Variants in PRSS21 observed in about 807,000 individuals in gnomAD.
The protein encoded by PRSS21 is serine protease 21.
In PRSS21, 40 loss-of-function variants were observed where a neutral mutation model predicts 31.1. The observed-to-expected ratio is 1.29, with a 90% confidence interval of 1.00 to 1.68. The LOEUF is 1.68. PRSS21 is among the 40% of genes most tolerant of loss of function. PRSS21 has a pLI of 0.00. For synonymous variants in PRSS21, 186 were observed against 167.7 expected (o/e 1.11, Z -0.84); for missense variants, 467 against 412.6 (o/e 1.13, Z -1.14).
At chr16:2,819,059 G>T in intron 4 of PRSS21, 90 bp downstream of exon 4, 4 of 1,455,332 alleles carry the variant, frequency 2.7e-6, no homozygotes, top group East Asian at 2.3e-5. Context: ...TTGGTCTGGG[G>T]GTGCAGGCTA....
At position 2,821,221 on chromosome 16, in the gene PRSS21, T is replaced by A. The variant is rs971171161; in HGVS notation, c.705+112T>A. 1.9e-6 allele frequency: 3 copies of A among 1,539,584 alleles called. No homozygotes were observed. The African/African-American group carries it at 4.1e-5, about 21-fold the overall frequency. On this transcript the variant is annotated intron_variant, in intron 5 of 5. Transcript: ENST00000005995. ...GGAGACTGTTGCCCCACTCTGCAGA[T>A]GCAGAAACGGAGGCTTGGCTGCTGC...
intron 4 of PRSS21, among the ~76,000 whole-genome samples, chr16:2,819,641 G>C (rs978968742): frequency 5.3e-5 from 8 of 152,200 alleles, no homozygotes; most frequent in African/African-American, 1.9e-4. Context: ...AATAACAAAC[G>C]TGGTTCCTTG....
At chr16:2,818,060 T>A (rs1056157464) in intron 3 of PRSS21, 94 bp downstream of exon 3, 1 of 1,429,148 alleles carries the variant, frequency 7.0e-7, no homozygotes, top group Non-Finnish European at 9.4e-7. Flanking sequence ...GATGCCAGAC[T>A]TGGGCGTGAA....
intron 5 of PRSS21, 26 bp from the exon 6 acceptor site, chr16:2,821,340 C>T: frequency 6.2e-7 from 1 of 1,612,794 alleles, no homozygotes; most frequent in Non-Finnish European, 8.5e-7. Flanking sequence ...CTGCCCCAGG[C>T]TGACCTCAGC....
In PRSS21 at chr16:2,818,848, G is replaced by A; in HGVS notation, c.429G>A (p.Leu143=). The change falls in exon 4 of 6, where the codon CTG becomes CTA. Residue 143 remains leucine (L), a synonymous_variant. Transcript: ENST00000005995. The part of the protein sequence containing the change: ...NSPYDIALVK[L]SAPVTYTKHI... ...CCTATGACATTGCCTTGGTGAAGCT[G>A]TCTGCACCTGTCACCTACACTAAAC... 6.2e-7 allele frequency: 1 copy of A among 1,613,930 alleles called. No homozygotes were observed. The highest frequency in any genetic ancestry group is 8.5e-7 in the Non-Finnish European group (1 of 1,179,756).
chr16:2,820,290 G>A (rs1265956821), intron 4 of PRSS21, among the ~76,000 whole-genome samples: 6 of 152,238 alleles, frequency 3.9e-5, no homozygotes, highest in Non-Finnish European at 8.8e-5. Context: ...CCCCGCTGAC[G>A]GGAAGCGCTG....
Position 2,818,000 on chromosome 16 carries a change from C to G in PRSS21, c.257+34C>G, listed in dbSNP as rs1184283246. ...GGGTGCGAACGGAGGGGTGCGGGGA[C>G]GGGCAGGAACAGGGCTGGAGGGAGT... On this transcript the variant is annotated intron_variant, in intron 3 of 5. Coordinates refer to ENST00000005995, the MANE Select transcript of PRSS21 (RefSeq NM_006799.4). The surrounding 1 kb of genome is among the most constrained non-coding windows in gnomAD (Gnocchi z 4.2). 2 of 1,532,718 alleles carry G rather than the reference C, an allele frequency of 1.3e-6. No homozygotes were observed. The highest frequency in any genetic ancestry group is 2.0e-5 in the Admixed American group (1 of 50,684). The allele number at this position is 1,532,718 out of a possible 1,614,324, so 94.9% of individuals were successfully genotyped here.
chr16:2,819,105 G>T (rs1365518886), intron 4 of PRSS21, 136 bp downstream of exon 4: 2 of 1,011,404 alleles, frequency 2.0e-6, no homozygotes, highest in Admixed American at 2.5e-5. Context: ...TCACCTGCCA[G>T]GGCAGGGACC....
chr16:2,820,980 G>T lies in PRSS21; in HGVS notation c.576G>T (p.Gln192His), dbSNP rs1407384287. The change falls in exon 5 of 6, where the codon CAG becomes CAT. Residue 192 changes from glutamine to histidine, a missense_variant. Gln to His is a conservative substitution (Grantham distance 24). Transcript: ENST00000005995. ...CACTGCCATCTCCCCACACCCTCCA[G>T]GAAGTTCAGGTCGCCATCATAAACA... ...DEALPSPHTLQEVQVAIINNS... is the reference protein window; with the variant it reads ...DEALPSPHTLHEVQVAIINNS... 3 of 1,613,932 alleles carry T rather than the reference G, an allele frequency of 1.9e-6. No homozygotes were observed. The highest frequency in any genetic ancestry group is 2.5e-6 in the Non-Finnish European group (3 of 1,179,998).
chr16:2,821,035 T>G lies in PRSS21; in HGVS notation c.631T>G (p.Tyr211Asp). The change falls in exon 5 of 6, where the codon TAC (tyrosine) becomes GAC (aspartate). Residue 211 changes from tyrosine to aspartate, a missense_variant. Transcript: ENST00000005995. ...NSMCNHLFLKYSFRKDIFGDM... is the reference protein window; with the variant it reads ...NSMCNHLFLKDSFRKDIFGDM... Reference sequence around the variant, plus strand: ...TATGTGCAACCACCTCTTCCTCAAGTACAGTTTCCGCAAGGACATCTTTGG... The same window carrying G: ...TATGTGCAACCACCTCTTCCTCAAGGACAGTTTCCGCAAGGACATCTTTGG... The G allele has an allele frequency of 6.2e-7, 1 of 1,614,144 alleles. No individual in the cohort carries two copies. The highest frequency in any genetic ancestry group is 8.5e-7 in the Non-Finnish European group (1 of 1,180,018).
chr16:2,819,090 T>C (rs2069130294), intron 4 of PRSS21, 121 bp downstream of exon 4: 2 of 1,112,924 alleles, frequency 1.8e-6, no homozygotes, highest in South Asian at 1.5e-5. Flanking sequence ...GCTTGCAGTC[T>C]CTCCTCACCT....
Position 2,817,408 on chromosome 16 carries a change from A to G in PRSS21, c.65-22A>G, listed in dbSNP as rs766802004. 1.3e-6 allele frequency: 2 copies of G among 1,595,298 alleles called. No homozygotes were observed. Among genetic ancestry groups the G allele is most frequent in the East Asian group, 2.2e-5 (1 of 44,536 alleles). On this transcript the variant is annotated intron_variant, in intron 1 of 5. Coordinates refer to ENST00000005995, the MANE Select transcript of PRSS21 (RefSeq NM_006799.4). The surrounding 1 kb of genome is among the most constrained non-coding windows in gnomAD (Gnocchi z 4.2). Reference sequence around the variant, plus strand: ...AGGACGGGAGGTGGAGGCCGCGGGGAGTCACTTCTTGTCTCCCGCAGAGTC... The same window carrying G: ...AGGACGGGAGGTGGAGGCCGCGGGGGGTCACTTCTTGTCTCCCGCAGAGTC...
rs370557686 is a variant in PRSS21 at position 2,817,402 on chromosome 16, G to T, written c.65-28G>T. On this transcript the variant is annotated intron_variant, in intron 1 of 5. Coordinates refer to ENST00000005995, the MANE Select transcript of PRSS21 (RefSeq NM_006799.4). This position sits in a 1 kb window ranked among gnomAD's most constrained non-coding sequence, Gnocchi z 4.2. ...GTGGGGAGGACGGGAGGTGGAGGCC[G>T]CGGGGAGTCACTTCTTGTCTCCCGC... is the stretch of plus-strand genomic sequence containing the variant. 1.7e-5 allele frequency: 27 copies of T among 1,595,378 alleles called. No individual in the cohort carries two copies. In the African/African-American group the frequency reaches 3.4e-4, roughly 20 times the overall value.
intron 4 of PRSS21, among the ~76,000 whole-genome samples, chr16:2,820,649 GC>G (rs1352213309): frequency 6.6e-6 from 1 of 152,160 alleles, no homozygotes; most frequent in Non-Finnish European, 1.5e-5. Context: ...AGCTGCCTTC[GC>G]CCCTCCCTCG....
chr16:2,817,393 G>A lies in PRSS21; in HGVS notation c.65-37G>A, dbSNP rs1406443143. The A allele has an allele frequency of 2.5e-6, 4 of 1,593,062 alleles. No individual in the cohort carries two copies. Among genetic ancestry groups the A allele is most frequent in the African/African-American group, 2.7e-5 (2 of 74,558 alleles). Reference sequence around the variant, plus strand: ...GGGGGAGCGGTGGGGAGGACGGGAGGTGGAGGCCGCGGGGAGTCACTTCTT... The same window carrying A: ...GGGGGAGCGGTGGGGAGGACGGGAGATGGAGGCCGCGGGGAGTCACTTCTT... On this transcript the variant is annotated intron_variant, in intron 1 of 5. Coordinates refer to ENST00000005995, the MANE Select transcript of PRSS21 (RefSeq NM_006799.4). The surrounding 1 kb of genome is among the most constrained non-coding windows in gnomAD (Gnocchi z 4.2).
In PRSS21 at chr16:2,817,345, C is replaced by G. The variant is rs537864314; in HGVS notation, c.64+13C>G. ...CTCAGGAAGCCGGGTGAGCTCGGGG[C>G]GCTGCTGGCGGGATGGGGAGGCGGG... On this transcript the variant is annotated intron_variant, in intron 1 of 5. Coordinates refer to ENST00000005995, the MANE Select transcript of PRSS21 (RefSeq NM_006799.4). The surrounding 1 kb of genome is among the most constrained non-coding windows in gnomAD (Gnocchi z 4.2). 486 of 1,563,044 alleles carry G rather than the reference C, an allele frequency of 3.1e-4. 2 individuals are homozygous for G. In the African/African-American group the frequency reaches 5.7e-3, roughly 18 times the overall value.
intron 4 of PRSS21, among the ~76,000 whole-genome samples, chr16:2,819,558 C>T (rs1330406598): frequency 6.6e-6 from 1 of 152,214 alleles, no homozygotes; most frequent in Non-Finnish European, 1.5e-5. Context: ...TGGGCGTGTT[C>T]CCTGTATCAG....
chr16:2,819,105 G>C, intron 4 of PRSS21, 136 bp downstream of exon 4: 1 of 1,011,528 alleles, frequency 9.9e-7, no homozygotes, highest in Non-Finnish European at 1.4e-6. Context: ...TCACCTGCCA[G>C]GGCAGGGACC....
In PRSS21 at chr16:2,817,911, G is replaced by A. The variant is rs1233614048; in HGVS notation, c.202G>A (p.Gly68Arg). The part of the protein sequence containing the change: ...SLRLWDSHVC[G>R]VSLLSHRWAL... The stretch of plus-strand genomic sequence containing the variant: ...GCGCCTGTGGGATTCCCACGTATGC[G>A]GAGTGAGCCTGCTCAGCCACCGCTG... The change falls in exon 3 of 6, where the codon GGA becomes AGA. Residue 68 changes from glycine to arginine, a missense_variant. By Grantham distance (125) the Gly-to-Arg change is moderately radical. Coordinates refer to ENST00000005995, the MANE Select transcript of PRSS21 (RefSeq NM_006799.4). This position sits in a 1 kb window ranked among gnomAD's most constrained non-coding sequence, Gnocchi z 4.2. The A allele has an allele frequency of 1.9e-6, 3 of 1,549,560 alleles. No homozygotes were observed. Among genetic ancestry groups the A allele is most frequent in the Non-Finnish European group, 2.6e-6 (3 of 1,146,886 alleles).
Sources: allele counts gnomAD v4.1 joint callset (sites outside exome capture counted in the v4.1 genomes callset), GRCh38; gene constraint gnomAD v4.1.1; non-coding constraint Gnocchi (gnomAD v3.1); transcripts MANE v1.5; gene names NCBI Gene and HGNC (gene_info 2026-07-23, HGNC 2026-07-21).